ITPR1: variants seen among roughly 807,000 people sequenced by gnomAD.
ITPR1 encodes inositol 1,4,5-trisphosphate receptor type 1.
ITPR1 carries 96 observed loss-of-function variants against 318.4 expected under a neutral mutation model. That is an observed-to-expected ratio of 0.30 (90% CI 0.26 to 0.36). The LOEUF (loss-of-function observed/expected upper bound fraction) is 0.36, where lower values mean the gene tolerates loss of function less well. Ranked by LOEUF, ITPR1 falls within the 10% of genes least tolerant of loss-of-function variation. The pLI is 1.00. For missense variants in ITPR1, 2,440 were observed against 3,460.2 expected (o/e 0.71, Z 7.40); for synonymous variants, 1,312 against 1,289.9 (o/e 1.02, Z -0.37).
At position 4,792,941 on chromosome 3, in the gene ITPR1, C is replaced by T. The variant is rs551354113; in HGVS notation, c.6809-2124C>T. On this transcript the variant is annotated intron_variant, in intron 52 of 61. Coordinates refer to ENST00000649015, the MANE Select transcript of ITPR1 (RefSeq NM_001378452.1). ...GCGAGTGTGCAGAGGCTGGAGAGTG[C>T]GGGGTGTGTTCGGGAACCACCACTA... is the stretch of plus-strand genomic sequence containing the variant. 8.5e-5 allele frequency among the ~76,000 whole-genome samples: 13 copies of T among 152,056 alleles called. No individual in the cohort carries two copies. The South Asian group carries it at 1.2e-3, about 15-fold the overall frequency.
At chr3:4,648,291 A>G (rs2093512010) in intron 10 of ITPR1, among the ~76,000 whole-genome samples, 1 of 152,030 alleles carries the variant, frequency 6.6e-6, no homozygotes, top group African/African-American at 2.4e-5. Flanking sequence ...CTCTACATGC[A>G]TTTGCCCTTT....
intron 52 of ITPR1, among the ~76,000 whole-genome samples, chr3:4,791,560 T>C (rs1171932767): frequency 6.6e-6 from 1 of 152,178 alleles, no homozygotes; most frequent in Non-Finnish European, 1.5e-5. Flanking sequence ...GCCCAGTTCA[T>C]AACAGGCTAT....
At chr3:4,605,153 A>G (rs1375488686) in intron 4 of ITPR1, among the ~76,000 whole-genome samples, 1 of 152,262 alleles carries the variant, frequency 6.6e-6, no homozygotes, top group East Asian at 1.9e-4. Flanking sequence ...TTACATTTTT[A>G]GTAAAGATGG....
At chr3:4,579,144 G>C (rs1013358961) in intron 4 of ITPR1, among the ~76,000 whole-genome samples, 1 of 152,166 alleles carries the variant, frequency 6.6e-6, no homozygotes, top group Non-Finnish European at 1.5e-5. Context: ...CTCATCAGCT[G>C]TGTGACATTG....
At chr3:4,605,910 G>A (rs1473713316) in intron 4 of ITPR1, among the ~76,000 whole-genome samples, 1 of 152,134 alleles carries the variant, frequency 6.6e-6, no homozygotes, top group Non-Finnish European at 1.5e-5. Flanking sequence ...AACAGGGAGT[G>A]GGGCCGACAT....
intron 44 of ITPR1, among the ~76,000 whole-genome samples, chr3:4,737,147 T>G (rs11714496): frequency 6.6e-6 from 1 of 152,080 alleles, no homozygotes; most frequent in Non-Finnish European, 1.5e-5. Flanking sequence ...AAACCCTAGG[T>G]TGTTATTCCT....
intron 3 of ITPR1, among the ~76,000 whole-genome samples, chr3:4,520,327 T>G (rs1356541415): frequency 6.6e-6 from 1 of 152,232 alleles, no homozygotes; most frequent in African/African-American, 2.4e-5. Context: ...TGAGTCTTTA[T>G]GTAATGTGAG....
intron 60 of ITPR1, 120 bp downstream of exon 60, chr3:4,818,362 C>A: frequency 1.3e-6 from 1 of 761,086 alleles, no homozygotes; most frequent in Non-Finnish European, 2.0e-6. Flanking sequence ...GTTGCCTGAG[C>A]CCTTCTCACG....
At chr3:4,521,205 A>AT (rs1174197347) in intron 4 of ITPR1, 111 bp downstream of exon 4, 6 of 692,098 alleles carry the variant, frequency 8.7e-6, no homozygotes, top group Non-Finnish European at 1.3e-5. Flanking sequence ...TTTATTATGT[A>AT]TTTTTTTCAG....
chr3:4,639,205 C>T (rs552623286), intron 5 of ITPR1, among the ~76,000 whole-genome samples, 179 bp from the exon 6 acceptor site: 7 of 152,040 alleles, frequency 4.6e-5, no homozygotes, highest in South Asian at 2.1e-4. Context: ...CAAGCAAAGG[C>T]GGAGTGGATG....
rs199670769 is a variant in ITPR1, at chr3:4,694,515, C to T, written c.4281+774C>T. 7.2e-5 allele frequency among the ~76,000 whole-genome samples: 11 copies of T among 152,018 alleles called. No individual in the cohort carries two copies. In the East Asian group the frequency reaches 7.7e-4, roughly 11 times the overall value. ...TGGTGGGGATATCTTTTGAGAAATGCGTTCTTCGGTGATTTCCTCATTGTG... is the reference window on the plus strand; with the variant it reads ...TGGTGGGGATATCTTTTGAGAAATGTGTTCTTCGGTGATTTCCTCATTGTG... On this transcript the variant is annotated intron_variant, in intron 33 of 61. Coordinates refer to ENST00000649015, the MANE Select transcript of ITPR1 (RefSeq NM_001378452.1).
chr3:4,743,422 A>C (rs1356038295), intron 44 of ITPR1, among the ~76,000 whole-genome samples: 1 of 152,246 alleles, frequency 6.6e-6, no homozygotes. Flanking sequence ...TCCTTAGCGC[A>C]GCTCTCTGAG....
chr3:4,604,470 C>T (rs1454694402), intron 4 of ITPR1, among the ~76,000 whole-genome samples: 1 of 152,148 alleles, frequency 6.6e-6, no homozygotes, highest in Non-Finnish European at 1.5e-5. Flanking sequence ...GTCTATGTGT[C>T]TCCTTTGCTT....
chr3:4,494,565 T>C (rs568945779), intron 2 of ITPR1, 59 bp downstream of exon 2: 1 of 152,336 alleles, frequency 6.6e-6, no homozygotes, highest in Non-Finnish European at 1.5e-5. Context: ...AAGCCTATTT[T>C]AAGTTCTATC....
intron 4 of ITPR1, among the ~76,000 whole-genome samples, chr3:4,574,697 T>C (rs1333203186): frequency 6.6e-6 from 1 of 152,248 alleles, no homozygotes; most frequent in Non-Finnish European, 1.5e-5. Flanking sequence ...AGCAGAGTAC[T>C]TCTACCTTAA....
rs199718709 is a variant in ITPR1 at position 4,674,837 on chromosome 3, C to CT, written c.2599-218dup. On this transcript the variant is annotated intron_variant, in intron 22 of 61. Transcript: ENST00000649015. ...AGCTGTGTAGAGCAAATGATGAGGTCTTTTTTTTTTTTTGATTAGTCATCA... is the reference window on the plus strand; with the variant it reads ...AGCTGTGTAGAGCAAATGATGAGGTCTTTTTTTTTTTTTTGATTAGTCATCA... Among the ~76,000 whole-genome samples the CT allele has an allele frequency of 0.27, 38,060 of 143,504 alleles. 5,138 individuals are homozygous for CT. The highest frequency in any genetic ancestry group is 0.4 in the South Asian group (1,787 of 4,510). The allele number at this position is 143,504 out of a possible 152,430, so 94.1% of individuals were successfully genotyped here.
At chr3:4,662,986 C>A in intron 15 of ITPR1, 79 bp from the exon 16 acceptor site, 1 of 1,348,462 alleles carries the variant, frequency 7.4e-7, no homozygotes, top group Non-Finnish European at 1.0e-6. Context: ...GCTCATTCGT[C>A]CAGAAGGCTT....
In ITPR1 at chr3:4,677,350, G is replaced by A. The variant is rs115004257; in HGVS notation, c.2967+549G>A. 6.7e-3 allele frequency among the ~76,000 whole-genome samples: 1,014 copies of A among 152,322 alleles called. 13 individuals carry two copies. The highest frequency in any genetic ancestry group is 0.023 in the African/African-American group (960 of 41,578). On this transcript the variant is annotated intron_variant, in intron 24 of 61. Coordinates refer to ENST00000649015, the MANE Select transcript of ITPR1 (RefSeq NM_001378452.1). ...GTATTAAGAATAAGTGCTAAGAGAC[G>A]TTAAAAAGTAAAGGAGGGTCAGGAT... is the stretch of plus-strand genomic sequence containing the variant.
intron 44 of ITPR1, among the ~76,000 whole-genome samples, chr3:4,739,485 G>A (rs112610243): frequency 0.013 from 1,929 of 152,234 alleles, 25 homozygotes; most frequent in Middle Eastern, 0.031. Context: ...TGTGTTTGTC[G>A]GTTCTGCATC....
Sources: gnomAD v4.1 joint callset for allele counts (sites outside exome capture counted in the v4.1 genomes callset) on GRCh38, gnomAD v4.1.1 for gene constraint, MANE v1.5 for transcripts, NCBI Gene and HGNC (gene_info 2026-07-23, HGNC 2026-07-21) for gene names.